Variants in AGO4 observed in about 807,000 individuals in gnomAD.
AGO4 encodes argonaute RISC component 4.
A neutral mutation model predicts 104.7 loss-of-function variants in AGO4; 33 were observed. That is an observed-to-expected ratio of 0.32 (90% CI 0.24 to 0.42). The LOEUF (loss-of-function observed/expected upper bound fraction) is 0.42. AGO4 is among the 10% of genes least tolerant of loss of function. The probability of loss-of-function intolerance (pLI) is 1.00; values close to 1 mark genes in which losing one functional copy is unlikely to be tolerated. For missense variants in AGO4, 711 were observed against 1,083.4 expected, an observed-to-expected ratio of 0.66 and a Z score of 4.83; for synonymous variants, 331 against 364.7, an observed-to-expected ratio of 0.91 and a Z score of 1.05.
intron 3 of AGO4, among the ~76,000 whole-genome samples, chr1:35,823,536 C>T (rs1643934598): frequency 6.6e-6 from 1 of 152,210 alleles, no homozygotes; most frequent in South Asian, 2.1e-4. Context: ...AGCGATTCTC[C>T]GGCCTCAGCT....
intron 15 of AGO4, among the ~76,000 whole-genome samples, chr1:35,844,621 T>C (rs1170125832): frequency 6.6e-6 from 1 of 152,170 alleles, no homozygotes; most frequent in Admixed American, 6.5e-5. Context: ...TTTTCCTATC[T>C]CCTTCCTCGT....
rs988623240 is a variant in AGO4, at chr1:35,814,974, T to G, written c.20-1908T>G. On this transcript the variant is annotated intron_variant, in intron 1 of 17. Coordinates refer to ENST00000373210, the MANE Select transcript of AGO4 (RefSeq NM_017629.4). ...CTCACTGCAACCTCTGCCTCCCGGGTTCAAGCGATTCTCCTGCCTCAGCCT... is the reference window on the plus strand; with the variant it reads ...CTCACTGCAACCTCTGCCTCCCGGGGTCAAGCGATTCTCCTGCCTCAGCCT... 2.0e-5 allele frequency among the ~76,000 whole-genome samples: 3 copies of G among 152,046 alleles called. No individual in the cohort carries two copies. The East Asian group carries it at 5.8e-4, about 29-fold the overall frequency.
chr1:35,845,113 CTTTTT>C (rs56716362), intron 15 of AGO4, among the ~76,000 whole-genome samples: 2 of 39,396 alleles, frequency 5.1e-5, no homozygotes, highest in African/African-American at 2.3e-4. Flanking sequence ...TGTAATCAGA[CTTTTT>C]TTTTTTTTTT....
intron 1 of AGO4, among the ~76,000 whole-genome samples, chr1:35,810,318 T>C (rs1350544266): frequency 6.6e-6 from 1 of 152,176 alleles, no homozygotes; most frequent in African/African-American, 2.4e-5. Context: ...GGATGATTCA[T>C]CCAGGCTGTT....
At chr1:35,851,549 A>G (rs1205254849) in intron 17 of AGO4, among the ~76,000 whole-genome samples, 3 of 152,150 alleles carry the variant, frequency 2.0e-5, no homozygotes, top group Non-Finnish European at 4.4e-5. Flanking sequence ...AGAATCAGAG[A>G]ATCTGTTATT....
At position 35,831,582 on chromosome 1, in the gene AGO4, A is replaced by C; in HGVS notation, c.996+8A>C. On this transcript the variant is annotated splice_region_variant and intron_variant, in intron 8 of 17. Transcript: ENST00000373210. ...ACATACTTGCCACTCGAGGTAAGTT[A>C]AATTTTCTTTTGCCAATTTGCTGAT... 1.2e-6 allele frequency: 2 copies of C among 1,607,620 alleles called. No homozygotes were observed. The highest frequency in any genetic ancestry group is 1.7e-6 in the Non-Finnish European group (2 of 1,178,320).
chr1:35,814,917 G>A (rs969639906), intron 1 of AGO4, among the ~76,000 whole-genome samples: 1 of 151,980 alleles, frequency 6.6e-6, no homozygotes, highest in African/African-American at 2.4e-5. Flanking sequence ...TCCCTCTGTC[G>A]CCCAGGCTGG....
Position 35,841,207 on chromosome 1 carries a change from T to C in AGO4, c.1767T>C (p.Asp589=). The change falls in exon 14 of 18, where the codon GAT becomes GAC. Residue 589 remains aspartate, a synonymous_variant. Transcript: ENST00000373210. The surrounding 1 kb of genome is among the most constrained non-coding windows in gnomAD (Gnocchi z 4.7). ...AGCCTGTCATCTTCCTGGGAGCGGA[T>C]GTCACACACCCCCCAGCAGGGGATG... is the stretch of plus-strand genomic sequence containing the variant. ...FQQPVIFLGA[D]VTHPPAGDGK... 5.6e-6 allele frequency: 9 copies of C among 1,613,018 alleles called. No homozygotes were observed. The highest frequency in any genetic ancestry group is 7.6e-6 in the Non-Finnish European group (9 of 1,179,044).
chr1:35,825,351 C>T lies in AGO4; in HGVS notation c.345C>T (p.Asp115=). ...TGACTCTTCCAGGCGAGGGTAAAGA[C>T]CAAACATTTAAAGTGTCTGTTCAGT... ...MEVTLPGEGK[D]QTFKVSVQWV... Residue 115 remains aspartate, a synonymous_variant, in exon 4 of 18, where the codon GAC becomes GAT. Transcript: ENST00000373210. 1.2e-6 allele frequency: 2 copies of T among 1,614,076 alleles called. No individual in the cohort carries two copies. The highest frequency in any genetic ancestry group is 1.1e-5 in the South Asian group (1 of 91,072).
rs1571270011 is a variant in AGO4 at position 35,823,598 on chromosome 1, G to A, written c.306+616G>A. On this transcript the variant is annotated intron_variant, in intron 3 of 17. Coordinates refer to ENST00000373210, the MANE Select transcript of AGO4 (RefSeq NM_017629.4). ...GTGCCACCACGCCCAGATCATTGTT[G>A]TATTTTATTAGTAGAAATGGGGGTT... 2.7e-5 allele frequency among the ~76,000 whole-genome samples: 4 copies of A among 150,222 alleles called. No homozygotes were observed. In the South Asian group the frequency reaches 8.5e-4, roughly 32 times the overall value.
Position 35,853,713 on chromosome 1 carries a change from AC to A in AGO4, c.*110del. 1 of 851,900 alleles carries A rather than the reference AC, an allele frequency of 1.2e-6. No homozygotes were observed. The highest frequency in any genetic ancestry group is 1.9e-6 in the Non-Finnish European group (1 of 530,016). 52.8% of individuals were successfully genotyped at this position (851,900 alleles called of 1,614,324 possible). Reference sequence around the variant, plus strand: ...CCACGTTGACTTCAGGTGGTCTTCTACCAGCAGCTCGGAATAGTTGCACTGA... The same window carrying A: ...CCACGTTGACTTCAGGTGGTCTTCTACAGCAGCTCGGAATAGTTGCACTGA... On this transcript the variant is annotated 3_prime_UTR_variant, in exon 18 of 18. Coordinates refer to ENST00000373210, the MANE Select transcript of AGO4 (RefSeq NM_017629.4).
chr1:35,846,373 G>A (rs1233962488), intron 15 of AGO4, among the ~76,000 whole-genome samples: 2 of 151,948 alleles, frequency 1.3e-5, no homozygotes, highest in Admixed American at 6.6e-5. Flanking sequence ...TGAGGTGGGC[G>A]GATCACAAGG....
intron 6 of AGO4, 21 bp from the exon 7 acceptor site, chr1:35,826,727 G>T: frequency 6.2e-7 from 1 of 1,602,226 alleles, no homozygotes; most frequent in Non-Finnish European, 8.5e-7. Flanking sequence ...CTGATGTTTT[G>T]CCTTTTAAAA....
rs749664274 is a variant in AGO4, at chr1:35,831,942, C to G, written c.1116+11C>G. On this transcript the variant is annotated intron_variant, in intron 9 of 17. Transcript: ENST00000373210. ...GAGATCAGTAGACTGGTCAGTAAGG[C>G]ATGGTCTTCAAGATGAGCTAGCTTT... The G allele has an allele frequency of 1.9e-6, 3 of 1,612,890 alleles. No homozygotes were observed. In the Admixed American group the frequency reaches 5.0e-5, roughly 27 times the overall value.
intron 4 of AGO4, 66 bp from the exon 5 acceptor site, chr1:35,825,613 G>T: frequency 6.5e-7 from 1 of 1,531,484 alleles, no homozygotes; most frequent in Non-Finnish European, 8.8e-7. Context: ...AGCTCCCAGA[G>T]TTGAGAGTGA....
At chr1:35,821,893 A>AT (rs765355292) in intron 2 of AGO4, among the ~76,000 whole-genome samples, 9,674 of 144,644 alleles carry the variant, frequency 0.067, 367 homozygotes, top group South Asian at 0.081. Context: ...TTGAATAAGG[A>AT]TTTTTTTTTT....
At position 35,855,103 on chromosome 1, in the gene AGO4, G is replaced by C. The variant is rs1026127014; in HGVS notation, c.*1498G>C. ...ATGGACAACAGTTACATAGTGTCTT[G>C]GTAGCACCAGCCAGTGTTTCCCAGC... On this transcript the variant is annotated 3_prime_UTR_variant, in exon 18 of 18. Transcript: ENST00000373210. 2 of 152,402 alleles carry C rather than the reference G, an allele frequency of 1.3e-5. No homozygotes were observed. Among genetic ancestry groups the C allele is most frequent in the Non-Finnish European group, 2.9e-5 (2 of 68,056 alleles). 9.4% of individuals were successfully genotyped at this position (152,402 alleles called of 1,614,324 possible). A position where few individuals can be genotyped will look rare whatever the true frequency, so the allele number is the denominator to read the frequency against.
At chr1:35,812,745 C>T (rs1643550605) in intron 1 of AGO4, among the ~76,000 whole-genome samples, 1 of 152,084 alleles carries the variant, frequency 6.6e-6, no homozygotes, top group Non-Finnish European at 1.5e-5. Context: ...GTGCCCACCA[C>T]CACACCTAGC....
Position 35,832,587 on chromosome 1 carries a change from T to A in AGO4, c.1379+17T>A. ...TTTACTAAAGTGAGTATCTTCATAT[T>A]TTCAGCTTAGTAATATCCCTTCCAG... On this transcript the variant is annotated intron_variant, in intron 11 of 17. Coordinates refer to ENST00000373210, the MANE Select transcript of AGO4 (RefSeq NM_017629.4). The A allele has an allele frequency of 6.2e-7, 1 of 1,611,872 alleles. No homozygotes were observed. The highest frequency in any genetic ancestry group is 8.5e-7 in the Non-Finnish European group (1 of 1,179,244).
Sources: gnomAD v4.1 joint callset for allele counts (sites outside exome capture counted in the v4.1 genomes callset) on GRCh38, gnomAD v4.1.1 for gene constraint, Gnocchi (gnomAD v3.1) non-coding constraint, MANE v1.5 for transcripts, NCBI Gene and HGNC (gene_info 2026-07-23, HGNC 2026-07-21) for gene names.